Variants in CDH13 observed in about 807,000 individuals in gnomAD.
The protein encoded by CDH13 is cadherin-13.
A neutral mutation model predicts 63.8 loss-of-function variants in CDH13; 24 were observed. The observed-to-expected ratio is 0.38, with a 90% confidence interval of 0.27 to 0.53. The LOEUF is 0.53. CDH13 is among the 20% of genes least tolerant of loss of function. CDH13 has a pLI of 0.85. For synonymous variants in CDH13, 503 were observed against 355.3 expected (o/e 1.42, Z -4.67); for missense variants, 1,049 against 903.1 (o/e 1.16, Z -2.07).
intron 2 of CDH13, among the ~76,000 whole-genome samples, chr16:82,943,549 T>G (rs1473967839): frequency 6.6e-6 from 1 of 152,208 alleles, no homozygotes; most frequent in African/African-American, 2.4e-5. Context: ...CTTCCTTCCA[T>G]AAGAGGCTCT....
At chr16:82,698,999 G>A (rs549699536) in intron 1 of CDH13, among the ~76,000 whole-genome samples, 429 of 152,058 alleles carry the variant, frequency 2.8e-3, no homozygotes, top group African/African-American at 9.5e-3. Context: ...AAAATAGACT[G>A]CATGCCACAT....
intron 1 of CDH13, among the ~76,000 whole-genome samples, chr16:82,857,576 C>T (rs368877817): frequency 4.3e-4 from 65 of 152,224 alleles, no homozygotes; most frequent in East Asian, 3.1e-3. Flanking sequence ...AATTTTTGAC[C>T]GCTGGATGAA....
At chr16:83,015,154 T>C (rs1359355033) in intron 2 of CDH13, among the ~76,000 whole-genome samples, 2 of 152,008 alleles carry the variant, frequency 1.3e-5, no homozygotes, top group Non-Finnish European at 2.9e-5. Context: ...AATGTGTGGC[T>C]AATCGGGGAA....
chr16:83,170,684 C>T (rs72800273), intron 4 of CDH13, among the ~76,000 whole-genome samples: 12,572 of 152,108 alleles, frequency 0.083, 638 homozygotes, highest in Middle Eastern at 0.15. Context: ...TTTCTAAGCA[C>T]CCATCCCTAT....
intron 6 of CDH13, among the ~76,000 whole-genome samples, chr16:83,400,451 G>A (rs2091951673): frequency 6.6e-6 from 1 of 152,128 alleles, no homozygotes; most frequent in Non-Finnish European, 1.5e-5. Flanking sequence ...CTCTGTGAGT[G>A]GTGCCCCCTA....
chr16:83,344,400 C>G (rs749858492), intron 5 of CDH13, among the ~76,000 whole-genome samples: 8 of 152,178 alleles, frequency 5.3e-5, no homozygotes, highest in Non-Finnish European at 8.8e-5. Flanking sequence ...AGGAAAGCCC[C>G]CAACAAATAC....
At chr16:83,095,395 T>C (rs2034143683) in intron 3 of CDH13, among the ~76,000 whole-genome samples, 1 of 152,204 alleles carries the variant, frequency 6.6e-6, no homozygotes, top group Admixed American at 6.6e-5. Context: ...GGTTTTATCA[T>C]CTTGTGCTGG....
chr16:83,493,537 T>TGGA (rs1046746848), intron 7 of CDH13, among the ~76,000 whole-genome samples: 2 of 152,096 alleles, frequency 1.3e-5, no homozygotes, highest in Non-Finnish European at 2.9e-5. Flanking sequence ...TGTGGAAACC[T>TGGA]GGAGTGCGGA....
chr16:83,764,872 G>A (rs1167896993), intron 11 of CDH13, among the ~76,000 whole-genome samples: 4 of 152,170 alleles, frequency 2.6e-5, no homozygotes, highest in Admixed American at 1.3e-4. Context: ...GTCCATTCCT[G>A]CCTGTGCGTC....
chr16:83,544,216 A>C (rs2075342864), intron 7 of CDH13, among the ~76,000 whole-genome samples: 1 of 152,192 alleles, frequency 6.6e-6, no homozygotes, highest in Non-Finnish European at 1.5e-5. Context: ...GAGACTGAGT[A>C]GTTCACCCAA....
chr16:82,770,514 C>A lies in CDH13; in HGVS notation c.46-87848C>A, dbSNP rs577288992. On this transcript the variant is annotated intron_variant, in intron 1 of 13. Coordinates refer to ENST00000567109, the MANE Select transcript of CDH13 (RefSeq NM_001257.5). Reference sequence around the variant, plus strand: ...TCATCAAAAATCATATATTCACTATCCTGCTTAAAAAATCATCATAAGTTT... The same window carrying A: ...TCATCAAAAATCATATATTCACTATACTGCTTAAAAAATCATCATAAGTTT... 7.2e-5 allele frequency among the ~76,000 whole-genome samples: 11 copies of A among 152,188 alleles called. No individual in the cohort carries two copies. In the East Asian group the frequency reaches 2.1e-3, roughly 29 times the overall value.
At chr16:82,877,608 G>T (rs919084680) in intron 2 of CDH13, among the ~76,000 whole-genome samples, 6 of 152,134 alleles carry the variant, frequency 3.9e-5, no homozygotes. Context: ...AGTTAAGTAA[G>T]TTTGGGAAAT....
At chr16:83,393,766 C>T (rs1311361386) in intron 6 of CDH13, among the ~76,000 whole-genome samples, 2 of 152,174 alleles carry the variant, frequency 1.3e-5, no homozygotes, top group South Asian at 2.1e-4. Flanking sequence ...TTCATTCATT[C>T]ATTTAACAAG....
intron 8 of CDH13, among the ~76,000 whole-genome samples, chr16:83,658,782 G>T (rs1225117997): frequency 7.4e-6 from 1 of 135,238 alleles, no homozygotes; most frequent in African/African-American, 2.8e-5. Flanking sequence ...CACCAGCAAG[G>T]TCTCATGTCC....
chr16:82,842,116 A>ATG (rs2039042902), intron 1 of CDH13, among the ~76,000 whole-genome samples: 2 of 40,262 alleles, frequency 5.0e-5, no homozygotes, highest in African/African-American at 1.6e-4. Context: ...ATATATGTAT[A>ATG]TATATATATA....
At position 83,615,418 on chromosome 16, in the gene CDH13, A is replaced by T. The variant is rs982765613; in HGVS notation, c.1101+12824A>T. On this transcript the variant is annotated intron_variant, in intron 8 of 13. Coordinates refer to ENST00000567109, the MANE Select transcript of CDH13 (RefSeq NM_001257.5). ...GAGTCCAAGACATTTTAAGTACCAG[A>T]TAAATCTTTGAAGCCGATTAAATGT... is the stretch of plus-strand genomic sequence containing the variant. 2.0e-5 allele frequency among the ~76,000 whole-genome samples: 3 copies of T among 152,182 alleles called. No homozygotes were observed. The South Asian group carries it at 6.2e-4, about 31-fold the overall frequency.
At chr16:83,770,198 T>C (rs1360025149) in intron 11 of CDH13, among the ~76,000 whole-genome samples, 1 of 152,162 alleles carries the variant, frequency 6.6e-6, no homozygotes, top group Non-Finnish European at 1.5e-5. Context: ...CAAAGCAATA[T>C]ACTGTTGGCC....
chr16:83,247,489 G>C (rs904377327), intron 5 of CDH13, among the ~76,000 whole-genome samples: 1 of 38,426 alleles, frequency 2.6e-5, no homozygotes, highest in African/African-American at 8.7e-5. Context: ...AGCCCATGCT[G>C]TCACCACTTT....
intron 2 of CDH13, among the ~76,000 whole-genome samples, chr16:82,927,069 G>A (rs2042326469): frequency 6.6e-6 from 1 of 152,178 alleles, no homozygotes; most frequent in South Asian, 2.1e-4. Flanking sequence ...ATTCCTTAAT[G>A]TGCTTGGTGG....
Sources: allele counts gnomAD v4.1 joint callset (sites outside exome capture counted in the v4.1 genomes callset), GRCh38; gene constraint gnomAD v4.1.1; transcripts MANE v1.5; gene names NCBI Gene and HGNC (gene_info 2026-07-23, HGNC 2026-07-21).